RPSA: variants seen among roughly 807,000 people sequenced by gnomAD.
RPSA encodes the protein small ribosomal subunit protein uS2.
For missense variants in RPSA, 140 were observed against 372.8 expected, an observed-to-expected ratio of 0.38 and a Z score of 5.14; for synonymous variants, 103 against 126.7, an observed-to-expected ratio of 0.81 and a Z score of 1.25.
At chr3:39,407,176 G>T (rs973833159) in intron 1 of RPSA, 2 of 351,824 alleles carry the variant, frequency 5.7e-6, no homozygotes, top group East Asian at 1.6e-4. Context: ...AGGTTCTCGG[G>T]TTTTTAGACA....
At chr3:39,407,227 C>T (rs1310895832) in intron 1 of RPSA, 5 of 342,390 alleles carry the variant, frequency 1.5e-5, no homozygotes, top group Non-Finnish European at 2.8e-5. Context: ...CCAAAGCATC[C>T]GCCTACAATC....
chr3:39,411,087 C>T, intron 4 of RPSA, 88 bp downstream of exon 4: 2 of 1,522,350 alleles, frequency 1.3e-6, no homozygotes, highest in Non-Finnish European at 1.8e-6. Flanking sequence ...GTTGAGGCTA[C>T]TGACTGGCCG....
intron 3 of RPSA, chr3:39,410,405 T>C (rs1182833396): frequency 3.3e-6 from 1 of 307,606 alleles, no homozygotes; most frequent in Non-Finnish European, 6.3e-6. Context: ...AACTGACTTG[T>C]TACTAGGACC....
chr3:39,407,943 T>C, intron 2 of RPSA, 157 bp downstream of exon 2: 1 of 623,510 alleles, frequency 1.6e-6, no homozygotes, highest in Admixed American at 3.0e-5. Context: ...TTCTTGTTAT[T>C]GAGAGAAAAG....
At chr3:39,406,790 G>A (rs774687922) in intron 1 of RPSA, 26 bp downstream of exon 1, 11 of 448,292 alleles carry the variant, frequency 2.5e-5, no homozygotes, top group Admixed American at 4.8e-5. Context: ...CGTCCCTGGC[G>A]CCTTCCAGGG....
chr3:39,406,856 G>A, intron 1 of RPSA, 92 bp downstream of exon 1: 1 of 456,380 alleles, frequency 2.2e-6, no homozygotes, highest in South Asian at 1.5e-5. Context: ...AGTGATGAAA[G>A]CCGGTCAGAC....
chr3:39,411,355 A>G, intron 4 of RPSA: 1 of 566,468 alleles, frequency 1.8e-6, no homozygotes, highest in East Asian at 3.4e-5. Flanking sequence ...ATAAGATGCT[A>G]AAAAGGTGGG....
In RPSA at chr3:39,412,255, T is replaced by G; in HGVS notation, c.794-19T>G. 1.9e-6 allele frequency: 3 copies of G among 1,592,490 alleles called. No individual in the cohort carries two copies. Among genetic ancestry groups the G allele is most frequent in the Non-Finnish European group, 2.6e-6 (3 of 1,160,540 alleles). ...ATTGAGGACAGAGCTGATGGCTTTT[T>G]TTGGTATTCTCTTAACAGAAGACTG... On this transcript the variant is annotated intron_variant, in intron 6 of 6. Transcript: ENST00000301821.
intron 1 of RPSA, among the ~76,000 whole-genome samples, chr3:39,407,347 T>C (rs188244755): frequency 1.1e-3 from 173 of 152,342 alleles, no homozygotes; most frequent in South Asian, 3.1e-3. Context: ...TCCACAACTT[T>C]TCCTTAATTC....
chr3:39,408,852 A>G (rs972830503), intron 3 of RPSA, 128 bp downstream of exon 3: 8 of 694,772 alleles, frequency 1.2e-5, no homozygotes, highest in East Asian at 2.6e-5. Flanking sequence ...TAATCCCAGC[A>G]CTTTGGGAGG....
Position 39,409,808 on chromosome 3 carries a change from C to A in RPSA, c.253-946C>A, listed in dbSNP as rs570758236. ...ATGATTTTGCCACTGCACTCCAAGC[C>A]TGGGGCACAGAGTGAGATCCTGTTT... On this transcript the variant is annotated intron_variant, in intron 3 of 6. Transcript: ENST00000301821. 4.0e-5 allele frequency among the ~76,000 whole-genome samples: 6 copies of A among 151,718 alleles called. No individual in the cohort carries two copies. The South Asian group carries it at 8.4e-4, about 21-fold the overall frequency.
chr3:39,407,756 G>A lies in RPSA; in HGVS notation c.103G>A (p.Glu35Lys), dbSNP rs1381954909. The A allele has an allele frequency of 6.3e-6, 10 of 1,597,512 alleles. No homozygotes were observed. The Admixed American group carries it at 1.7e-4, about 27-fold the overall frequency. ...LGGTNLDFQM[E>K]QYIYKRKSDG... The stretch of plus-strand genomic sequence containing the variant: ...TGGCACCAATCTTGACTTCCAGATG[G>A]AACAGTACATCTATAAAAGGAAAAG... The change falls in exon 2 of 7, where the codon GAA becomes AAA. Residue 35 changes from glutamate (E) to lysine (K), a missense_variant. Coordinates refer to ENST00000301821, the MANE Select transcript of RPSA (RefSeq NM_002295.6).
intron 1 of RPSA, chr3:39,407,037 C>T (rs1320729240): frequency 2.2e-6 from 1 of 454,704 alleles, no homozygotes; most frequent in Non-Finnish European, 4.4e-6. Context: ...GTGCAGAAAG[C>T]GGGCTAACAT....
In RPSA at chr3:39,407,519, C is replaced by T. The variant is rs536067305; in HGVS notation, c.-33-102C>T. 4.0e-5 allele frequency: 34 copies of T among 845,812 alleles called. No individual in the cohort carries two copies. In the African/African-American group the frequency reaches 5.4e-4, roughly 14 times the overall value. The allele number at this position is 845,812 out of a possible 1,614,324, so 52.4% of individuals were successfully genotyped here. ...TTTACCCTTCACTACACTGTAAGCTCAATGCCTGACACTATAGCAGATGGA... is the reference window on the plus strand; with the variant it reads ...TTTACCCTTCACTACACTGTAAGCTTAATGCCTGACACTATAGCAGATGGA... On this transcript the variant is annotated intron_variant, in intron 1 of 6. Coordinates refer to ENST00000301821, the MANE Select transcript of RPSA (RefSeq NM_002295.6).
intron 3 of RPSA, chr3:39,410,484 T>A: frequency 2.1e-6 from 1 of 473,628 alleles, no homozygotes; most frequent in Non-Finnish European, 3.9e-6. Context: ...GTGACAGTTC[T>A]TGCTTGCTTG....
intron 1 of RPSA, chr3:39,407,131 G>T: frequency 2.6e-6 from 1 of 382,554 alleles, no homozygotes; most frequent in South Asian, 1.9e-5. Flanking sequence ...TGGGCTGGTC[G>T]GGTTTTCCCT....
intron 4 of RPSA, chr3:39,411,416 T>C: frequency 1.7e-6 from 1 of 578,040 alleles, no homozygotes; most frequent in Non-Finnish European, 3.1e-6. Flanking sequence ...TGCATAAGAA[T>C]TGCCCAGATA....
chr3:39,412,342 G>A lies in RPSA; in HGVS notation c.862G>A (p.Val288Ile), dbSNP rs755617013. 2 of 1,571,108 alleles carry A rather than the reference G, an allele frequency of 1.3e-6. No homozygotes were observed. Among genetic ancestry groups the A allele is most frequent in the South Asian group, 2.2e-5 (2 of 90,202 alleles). ...TCCCACTGCTCAGGCCACTGAATGG[G>A]TAGGAGCAACCACTGACTGGTCTTA... ...AAPTAQATEW[V>I]GATTDWS Residue 288 changes from valine (V) to isoleucine (I), a missense_variant, in exon 7 of 7, where the codon GTA (valine) becomes ATA (isoleucine). Coordinates refer to ENST00000301821, the MANE Select transcript of RPSA (RefSeq NM_002295.6).
At chr3:39,406,884 C>T (rs1261268117) in intron 1 of RPSA, 120 bp downstream of exon 1, 3 of 456,184 alleles carry the variant, frequency 6.6e-6, no homozygotes, top group South Asian at 1.5e-5. Flanking sequence ...GTCTCCCGCC[C>T]GGCGCGCCCC....
Sources: gnomAD v4.1 joint callset for allele counts (sites outside exome capture counted in the v4.1 genomes callset) on GRCh38, gnomAD v4.1.1 for gene constraint, MANE v1.5 for transcripts, NCBI Gene and HGNC (gene_info 2026-07-23, HGNC 2026-07-21) for gene names.